ENKUR: variants seen among roughly 807,000 people sequenced by gnomAD.
ENKUR encodes the protein enkurin, TRPC channel interacting protein.
A neutral mutation model predicts 27.6 loss-of-function variants in ENKUR; 19 were observed. The observed-to-expected ratio is 0.69, with a 90% CI of 0.48 to 1.01. ENKUR has a LOEUF of 1.01. ENKUR is among the 50% of genes least tolerant of loss of function. ENKUR has a pLI of 0.00. For synonymous variants in ENKUR, 117 were observed against 96.9 expected (o/e 1.21, Z -1.22); for missense variants, 312 against 310.5 (o/e 1.00, Z -0.04).
chr10:25,048,641 CA>C (rs1851147771), intron 2 of ENKUR, among the ~76,000 whole-genome samples: 1 of 151,962 alleles, frequency 6.6e-6, no homozygotes, highest in African/African-American at 2.4e-5. Flanking sequence ...ACAGCCAAAG[CA>C]AATGAGATGC....
upstream of ENKUR, among the ~76,000 whole-genome samples, chr10:25,018,834 G>A (rs372330695): frequency 3.3e-4 from 50 of 152,146 alleles, 1 homozygote; most frequent in South Asian, 0.01. Flanking sequence ...TTAAATATTC[G>A]AGATCGTTAA....
intron 1 of ENKUR, among the ~76,000 whole-genome samples, chr10:25,012,396 A>G (rs112375842): frequency 7.2e-5 from 11 of 152,308 alleles, no homozygotes; most frequent in African/African-American, 2.6e-4. Flanking sequence ...AGCATGCACC[A>G]TGCACCCAGA....
chr10:25,033,937 A>G (rs1217181776), intron 2 of ENKUR, among the ~76,000 whole-genome samples: 1 of 152,072 alleles, frequency 6.6e-6, no homozygotes, highest in African/African-American at 2.4e-5. Flanking sequence ...ATATATATGT[A>G]TTAAAATAAA....
intron 1 of ENKUR, among the ~76,000 whole-genome samples, chr10:25,008,060 A>C (rs1049072608): frequency 2.7e-5 from 4 of 150,762 alleles, no homozygotes; most frequent in Admixed American, 1.3e-4. Context: ...GACAAAATGT[A>C]AGAGATGAAG....
chr10:25,017,114 G>C (rs1404683650), upstream of ENKUR, among the ~76,000 whole-genome samples: 1 of 152,240 alleles, frequency 6.6e-6, no homozygotes, highest in Admixed American at 6.5e-5. Context: ...CCTCTAGGTC[G>C]TTCTCCAGGA....
At chr10:25,017,088 C>T (rs1850613058), upstream of ENKUR, among the ~76,000 whole-genome samples, 1 of 152,188 alleles carries the variant, frequency 6.6e-6, no homozygotes, top group African/African-American at 2.4e-5. Context: ...CTGCTCTTCC[C>T]CGGGTCGGGA....
upstream of ENKUR, among the ~76,000 whole-genome samples, chr10:25,019,883 C>T (rs1339268129): frequency 2.0e-5 from 3 of 151,856 alleles, no homozygotes; most frequent in Non-Finnish European, 4.4e-5. Flanking sequence ...TCCATTTCTC[C>T]GTGAATTAAA....
At chr10:25,038,898 A>G (rs1207493636) in intron 2 of ENKUR, among the ~76,000 whole-genome samples, 1 of 152,232 alleles carries the variant, frequency 6.6e-6, no homozygotes, top group Non-Finnish European at 1.5e-5. Flanking sequence ...GAAAGATTCA[A>G]TAGTTGTCAA....
chr10:25,027,859 TAAAAA>T (rs1289206768), intron 2 of ENKUR, among the ~76,000 whole-genome samples: 2 of 151,784 alleles, frequency 1.3e-5, no homozygotes, highest in South Asian at 2.1e-4. Context: ...AAAAAATAAA[TAAAAA>T]TAAAAAAGAC....
In ENKUR at chr10:25,000,764, A is replaced by G. The variant is rs532093718; in HGVS notation, c.78-1218T>C. On this transcript the variant is annotated intron_variant, in intron 1 of 5. Transcript: ENST00000331161. ...TTTGTTTGGTATGTTTATACCTTTC[A>G]CTTTTAATGTGATTATAAAAATTTG... Among the ~76,000 whole-genome samples the G allele has an allele frequency of 9.2e-5, 14 of 152,134 alleles. No homozygotes were observed. The South Asian group carries it at 2.9e-3, about 32-fold the overall frequency.
chr10:25,002,850 G>A (rs1850218951), intron 1 of ENKUR, among the ~76,000 whole-genome samples: 1 of 151,816 alleles, frequency 6.6e-6, no homozygotes, highest in African/African-American at 2.4e-5. Context: ...CCAAATCTGT[G>A]CCTTAAAATG....
At chr10:24,991,871 C>A (rs544511513) in intron 3 of ENKUR, among the ~76,000 whole-genome samples, 1 of 152,186 alleles carries the variant, frequency 6.6e-6, no homozygotes, top group South Asian at 2.1e-4. Flanking sequence ...ACGCCCACTG[C>A]GGCTTCAGGA....
chr10:25,022,916 T>A (rs1423512776), intron 2 of ENKUR, among the ~76,000 whole-genome samples: 2 of 152,194 alleles, frequency 1.3e-5, no homozygotes, highest in Admixed American at 6.5e-5. Flanking sequence ...AGTTTCTGTT[T>A]TTTATAGTTA....
intron 4 of ENKUR, among the ~76,000 whole-genome samples, chr10:24,989,208 G>C (rs1784670997): frequency 6.6e-6 from 1 of 152,192 alleles, no homozygotes; most frequent in Non-Finnish European, 1.5e-5. Flanking sequence ...ATGGGCCACA[G>C]ACGAGAACTC....
rs139848103 is a variant in ENKUR at position 24,999,700 on chromosome 10, A to G, written c.78-154T>C. ...AAACATACTTACCTGAGCCCTGTCC[A>G]TCAGACTTAGATAAACTAGATGGAA... On this transcript the variant is annotated intron_variant, in intron 1 of 5. Transcript: ENST00000331161. Among the ~76,000 whole-genome samples the G allele has an allele frequency of 5.8e-3, 884 of 152,322 alleles. 6 individuals carry two copies. The highest frequency in any genetic ancestry group is 0.02 in the Middle Eastern group (6 of 294).
intron 4 of ENKUR, among the ~76,000 whole-genome samples, chr10:24,987,212 A>C (rs1027794955): frequency 3.3e-5 from 5 of 152,318 alleles, no homozygotes; most frequent in Admixed American, 3.3e-4. Flanking sequence ...CTGGATTCTG[A>C]CAACACTGCT....
intron 4 of ENKUR, among the ~76,000 whole-genome samples, chr10:24,989,721 G>A (rs1399847222): frequency 6.6e-6 from 1 of 152,110 alleles, no homozygotes. Flanking sequence ...TTTCAACAGA[G>A]ATTAATAATA....
At chr10:25,001,543 T>C (rs902635549) in intron 1 of ENKUR, among the ~76,000 whole-genome samples, 1 of 152,192 alleles carries the variant, frequency 6.6e-6, no homozygotes, top group African/African-American at 2.4e-5. Flanking sequence ...ATTGATTCTC[T>C]GCTTTCTTTT....
At chr10:24,988,348 TTA>T (rs1041322189) in intron 4 of ENKUR, among the ~76,000 whole-genome samples, 11 of 145,604 alleles carry the variant, frequency 7.6e-5, no homozygotes, top group Non-Finnish European at 1.5e-4. Context: ...ATATATATAT[TTA>T]TATATGTGTA....
Sources: allele counts gnomAD v4.1 joint callset (sites outside exome capture counted in the v4.1 genomes callset), GRCh38; gene constraint gnomAD v4.1.1; transcripts MANE v1.5; gene names NCBI Gene and HGNC (gene_info 2026-07-23, HGNC 2026-07-21).